The following C12orf42 variants were observed in gnomAD, a reference collection of about 807,000 sequenced individuals.
C12orf42 encodes the protein chromosome 12 open reading frame 42, also known as uncharacterized protein C12orf42.
In C12orf42, 25 loss-of-function variants were observed where a neutral mutation model predicts 21.6. The ratio of observed to expected loss-of-function variants is 1.16; its 90% CI spans 0.84 to 1.62. C12orf42 has a LOEUF of 1.62. C12orf42 is among the 40% of genes most tolerant of loss of function. The pLI, the probability that C12orf42 is intolerant of heterozygous loss-of-function variation, is 0.00. For synonymous variants in C12orf42, 174 were observed against 175.0 expected (o/e 0.99, Z 0.05); for missense variants, 483 against 459.3 (o/e 1.05, Z -0.47).
At chr12:103,091,207 G>C in the C12orf42 span, among the ~76,000 whole-genome samples, 1 of 152,086 alleles carries the variant, frequency 6.6e-6, no homozygotes, top group African/African-American at 2.4e-5. Flanking sequence ...ACACCCCATT[G>C]AATGATCAGC....
intron 3 of C12orf42, among the ~76,000 whole-genome samples, chr12:103,376,775 A>G (rs1593693706): frequency 6.6e-6 from 1 of 152,128 alleles, no homozygotes; most frequent in South Asian, 2.1e-4. Flanking sequence ...GTTTTCTTTC[A>G]TTATACTGGG....
the C12orf42 span, among the ~76,000 whole-genome samples, chr12:103,146,576 G>GAAAGAA: frequency 2.1e-5 from 3 of 144,224 alleles, no homozygotes; most frequent in Non-Finnish European, 4.5e-5. Context: ...AAGAAAGAAA[G>GAAAGAA]AAAGAAAGAA....
intron 1 of C12orf42, among the ~76,000 whole-genome samples, chr12:103,487,447 G>A (rs1287500480): frequency 6.6e-6 from 1 of 152,224 alleles, no homozygotes; most frequent in African/African-American, 2.4e-5. Context: ...TTGGGGTGGA[G>A]AGTTCTGTAG....
At chr12:103,369,296 C>A (rs910985441) in intron 3 of C12orf42, among the ~76,000 whole-genome samples, 1 of 151,546 alleles carries the variant, frequency 6.6e-6, no homozygotes, top group Non-Finnish European at 1.5e-5. Context: ...AGTGGGGATA[C>A]AAGAGGAGAA....
At chr12:103,340,698 C>T (rs773243962) in intron 4 of C12orf42, among the ~76,000 whole-genome samples, 3 of 152,094 alleles carry the variant, frequency 2.0e-5, no homozygotes, top group East Asian at 1.9e-4. Flanking sequence ...TAAGTAGAGA[C>T]AGAAAGACCT....
chr12:103,164,369 T>C, the C12orf42 span: 251 of 455,590 alleles, frequency 5.5e-4, 2 homozygotes, highest in South Asian at 2.8e-3. Context: ...AAATTATACA[T>C]TTATATATGA....
rs139989532 is a variant in C12orf42, at chr12:103,413,899, C to T, written c.79-12224G>A. 6.7e-3 allele frequency among the ~76,000 whole-genome samples: 1,021 copies of T among 152,098 alleles called. 18 individuals are homozygous for T. The highest frequency in any genetic ancestry group is 0.023 in the African/African-American group (971 of 41,494). ...ACATCATTATAATTTTCTTTATCCA[C>T]TCATTGGTTGATGTACATTTAGGCT... On this transcript the variant is annotated intron_variant, in intron 2 of 5. Transcript: ENST00000548883.
chr12:103,109,769 T>A, the C12orf42 span, among the ~76,000 whole-genome samples: 1 of 151,792 alleles, frequency 6.6e-6, no homozygotes, highest in African/African-American at 2.4e-5. Flanking sequence ...ACAGATTTTT[T>A]AAAATGCAAA....
rs117867451 is a variant in C12orf42, at chr12:103,470,954, G to A, written c.78+7395C>T. 2.2e-3 allele frequency among the ~76,000 whole-genome samples: 337 copies of A among 152,296 alleles called. 2 individuals carry two copies. The highest frequency in any genetic ancestry group is 3.6e-3 in the Non-Finnish European group (247 of 68,022). On this transcript the variant is annotated intron_variant, in intron 2 of 5. Coordinates refer to ENST00000548883, the MANE Select transcript of C12orf42 (RefSeq NM_198521.5). ...CAGTGAATGCCTCAGACATCATGAA[G>A]CAGAAGCAAGTCATCCTTACTGTGC...
At chr12:103,147,503 C>CTTTTTTT in the C12orf42 span, among the ~76,000 whole-genome samples, 3 of 99,966 alleles carry the variant, frequency 3.0e-5, no homozygotes, top group Admixed American at 1.1e-4. Context: ...CTTTTTTTTT[C>CTTTTTTT]TTTTTTTTTT....
chr12:103,219,572 C>A, the C12orf42 span, among the ~76,000 whole-genome samples: 4 of 152,052 alleles, frequency 2.6e-5, no homozygotes, highest in African/African-American at 4.8e-5. Flanking sequence ...AAGAAAAAAA[C>A]AAATAAGCCC....
At chr12:103,488,542 G>C (rs1258902912) in intron 1 of C12orf42, among the ~76,000 whole-genome samples, 2 of 152,182 alleles carry the variant, frequency 1.3e-5, no homozygotes, top group African/African-American at 4.8e-5. Flanking sequence ...ATCCTGAAGA[G>C]TGTTTTCCAA....
chr12:103,263,892 T>C (rs11111508), downstream of C12orf42, among the ~76,000 whole-genome samples: 14,501 of 152,174 alleles, frequency 0.095, 763 homozygotes, highest in East Asian at 0.15. Context: ...CCTTCACTTA[T>C]GTGCTTTAAC....
At chr12:103,195,476 A>G in the C12orf42 span, among the ~76,000 whole-genome samples, 1 of 152,020 alleles carries the variant, frequency 6.6e-6, no homozygotes. Context: ...GACATTTAAT[A>G]ATGGCCATCC....
intron 2 of C12orf42, among the ~76,000 whole-genome samples, chr12:103,437,675 G>A (rs1176557024): frequency 2.0e-5 from 3 of 151,374 alleles, no homozygotes; most frequent in East Asian, 1.9e-4. Context: ...TAAATTCCTC[G>A]ACACATACAC....
upstream of C12orf42, chr12:103,495,977 C>T (rs754426634): frequency 6.6e-6 from 1 of 152,296 alleles, no homozygotes; most frequent in Non-Finnish European, 1.5e-5. Context: ...CTGCTGGGTC[C>T]TGGGGACGCG....
the C12orf42 span, among the ~76,000 whole-genome samples, chr12:103,529,838 C>T: frequency 6.6e-6 from 1 of 152,174 alleles, no homozygotes; most frequent in Non-Finnish European, 1.5e-5. Context: ...ACTTCTGTTT[C>T]CCTCACCCCC....
chr12:103,502,748 G>C, the C12orf42 span, among the ~76,000 whole-genome samples: 1 of 152,208 alleles, frequency 6.6e-6, no homozygotes, highest in South Asian at 2.1e-4. Context: ...CCTGGTAGTG[G>C]GGCCTGCCAA....
chr12:103,084,365 C>A, the C12orf42 span, among the ~76,000 whole-genome samples: 1 of 152,054 alleles, frequency 6.6e-6, no homozygotes, highest in Non-Finnish European at 1.5e-5. Flanking sequence ...GGACTGCTGG[C>A]AAAATTTATT....
Sources: gnomAD v4.1 joint callset for allele counts (sites outside exome capture counted in the v4.1 genomes callset) on GRCh38, gnomAD v4.1.1 for gene constraint, MANE v1.5 for transcripts, NCBI Gene and HGNC (gene_info 2026-07-23, HGNC 2026-07-21) for gene names.